Variants in JPH2 observed in about 807,000 individuals in gnomAD.
JPH2 encodes the protein junctophilin-2.
JPH2 carries 38 observed loss-of-function variants against 55.9 expected under a neutral mutation model. The ratio of observed to expected loss-of-function variants is 0.68; its 90% CI spans 0.52 to 0.89. JPH2 has a LOEUF of 0.89. JPH2 is among the 40% of genes least tolerant of loss of function. The pLI, the probability that JPH2 is intolerant of heterozygous loss-of-function variation, is 0.00. For missense variants in JPH2, 964 were observed against 1,037.6 expected (o/e 0.93, Z 0.97); for synonymous variants, 480 against 472.4 (o/e 1.02, Z -0.21).
chr20:44,179,907 G>A (rs1297357104), intron 1 of JPH2, among the ~76,000 whole-genome samples: 1 of 152,198 alleles, frequency 6.6e-6, no homozygotes, highest in African/African-American at 2.4e-5. Flanking sequence ...TCTCCATGAG[G>A]TTGTTGTGTG....
At chr20:44,156,072 G>C (rs1246733996) in intron 2 of JPH2, among the ~76,000 whole-genome samples, 1 of 149,040 alleles carries the variant, frequency 6.7e-6, no homozygotes, top group East Asian at 2.0e-4. Flanking sequence ...CACAAAAAAA[G>C]CAAAGAATCA....
At chr20:44,157,595 C>T (rs536021895) in intron 2 of JPH2, among the ~76,000 whole-genome samples, 4 of 152,302 alleles carry the variant, frequency 2.6e-5, no homozygotes, top group South Asian at 4.1e-4. Flanking sequence ...CCTGCACTGT[C>T]GTTCCTAACC....
chr20:44,115,380 T>C (rs918714616), intron 4 of JPH2, among the ~76,000 whole-genome samples: 2 of 152,018 alleles, frequency 1.3e-5, no homozygotes, highest in Non-Finnish European at 2.9e-5. Flanking sequence ...CTCCAGCTGC[T>C]CAGGCTCCCA....
chr20:44,170,991 C>G (rs1359994895), intron 1 of JPH2, among the ~76,000 whole-genome samples: 12 of 152,178 alleles, frequency 7.9e-5, no homozygotes, highest in Non-Finnish European at 1.6e-4. Flanking sequence ...ACAGTAGTAT[C>G]CTCCCTGCCC....
intron 3 of JPH2, among the ~76,000 whole-genome samples, 198 bp downstream of exon 3, chr20:44,118,307 C>A (rs561722671): frequency 2.0e-5 from 3 of 152,330 alleles, no homozygotes; most frequent in Admixed American, 2.0e-4. Flanking sequence ...GCCCTCCCCT[C>A]GAGCTCAGCA....
At chr20:44,158,762 G>A (rs1005608597) in intron 2 of JPH2, among the ~76,000 whole-genome samples, 2 of 152,166 alleles carry the variant, frequency 1.3e-5, no homozygotes, top group African/African-American at 4.8e-5. Flanking sequence ...TGGCTGGCTG[G>A]GTAGCTGGAT....
intron 1 of JPH2, among the ~76,000 whole-genome samples, chr20:44,169,692 C>T (rs192307335): frequency 3.5e-4 from 54 of 152,252 alleles, no homozygotes; most frequent in East Asian, 2.7e-3. Context: ...CAGTGTGCCT[C>T]GGTGCTACGG....
Position 44,159,569 on chromosome 20 carries a change from C to G in JPH2, c.1169+49G>C. On this transcript the variant is annotated intron_variant, in intron 2 of 5. Transcript: ENST00000372980. The surrounding 1 kb of genome is among the most constrained non-coding windows in gnomAD (Gnocchi z 5.7). ...TCCTAGGTTGCCCTGCCCCAGGACC[C>G]CCTTCTCCGAGGGGAGGCGACCCCT... 6.4e-7 allele frequency: 1 copy of G among 1,555,024 alleles called. No homozygotes were observed.
chr20:44,181,672 C>A (rs1222817725), intron 1 of JPH2, among the ~76,000 whole-genome samples: 1 of 152,214 alleles, frequency 6.6e-6, no homozygotes, highest in African/African-American at 2.4e-5. Context: ...TTGGACCTCC[C>A]AGCTTTTGCA....
At chr20:44,118,453 G>C in intron 3 of JPH2, 52 bp downstream of exon 3, 5 of 1,398,924 alleles carry the variant, frequency 3.6e-6, no homozygotes, top group Non-Finnish European at 5.0e-6. Flanking sequence ...AAAGAAAAGC[G>C]CCCACCCTAG....
rs560899023 is a variant in JPH2 at position 44,109,255 on chromosome 20, G to A, written c.*4263C>T. On this transcript the variant is annotated 3_prime_UTR_variant, in exon 6 of 6. Coordinates refer to ENST00000372980, the MANE Select transcript of JPH2 (RefSeq NM_020433.5). ...TCAATTTTCCTCATCTGCAAAATGG[G>A]TGGACGAATACCTACACCATGGAGA... 6.6e-6 allele frequency among the ~76,000 whole-genome samples: 1 copy of A among 152,314 alleles called. No homozygotes were observed. Among genetic ancestry groups the A allele is most frequent in the East Asian group, 1.9e-4 (1 of 5,190 alleles).
At position 44,186,824 on chromosome 20, in the gene JPH2, C is replaced by T. The variant is rs1290868313; in HGVS notation, c.-119G>A. ...AGGCCCCCAGACTCACCACTGCACC[C>T]CAGGAGGGGGGAAGCAGGATGCCAG... On this transcript the variant is annotated 5_prime_UTR_variant, in exon 1 of 6. Transcript: ENST00000372980. The T allele has an allele frequency of 3.8e-5, 38 of 1,006,202 alleles. 1 individual carries two copies. The South Asian group carries it at 4.1e-4, about 11-fold the overall frequency. The allele number at this position is 1,006,202 out of a possible 1,614,324, so 62.3% of individuals were successfully genotyped here. A position where few individuals can be genotyped will look rare whatever the true frequency, so the allele number is the denominator to read the frequency against.
intron 1 of JPH2, among the ~76,000 whole-genome samples, chr20:44,185,812 C>T (rs1022538701): frequency 1.3e-5 from 2 of 150,010 alleles, no homozygotes; most frequent in Admixed American, 6.7e-5. Context: ...GATGGATGGG[C>T]AGGCAGGTGG....
intron 2 of JPH2, among the ~76,000 whole-genome samples, chr20:44,131,513 A>T (rs1182492304): frequency 6.6e-6 from 1 of 152,228 alleles, no homozygotes; most frequent in African/African-American, 2.4e-5. Context: ...GTGATGGGTA[A>T]CTAACACAAT....
At position 44,109,977 on chromosome 20, in the gene JPH2, T is replaced by G. The variant is rs1320091901; in HGVS notation, c.*3541A>C. Among the ~76,000 whole-genome samples, 1 of 152,172 alleles carries G rather than the reference T, an allele frequency of 6.6e-6. No homozygotes were observed. Among genetic ancestry groups the G allele is most frequent in the Non-Finnish European group, 1.5e-5 (1 of 68,022 alleles). On this transcript the variant is annotated 3_prime_UTR_variant, in exon 6 of 6. Transcript: ENST00000372980. ...AAGTTCATGCATGGTACAAACCACC[T>G]TAAATGCATTCCGGGCATGGCAGGA...
At chr20:44,150,083 A>G (rs2072521449) in intron 2 of JPH2, among the ~76,000 whole-genome samples, 1 of 152,096 alleles carries the variant, frequency 6.6e-6, no homozygotes, top group Non-Finnish European at 1.5e-5. Context: ...TTCATGCCAG[A>G]AAAATCTAAT....
chr20:44,133,335 A>G (rs1239012224), intron 2 of JPH2, among the ~76,000 whole-genome samples: 1 of 151,838 alleles, frequency 6.6e-6, no homozygotes, highest in East Asian at 2.0e-4. Context: ...TCCAAAATAA[A>G]TATTTTTAAA....
chr20:44,124,309 C>T (rs546938651), intron 2 of JPH2, among the ~76,000 whole-genome samples: 13 of 152,172 alleles, frequency 8.5e-5, no homozygotes, highest in Middle Eastern at 3.4e-3. Context: ...GGACCCTCAC[C>T]GGACTTGCCC....
At chr20:44,121,638 G>A (rs1203197688) in intron 2 of JPH2, among the ~76,000 whole-genome samples, 1 of 152,144 alleles carries the variant, frequency 6.6e-6, no homozygotes, top group Non-Finnish European at 1.5e-5. Context: ...CTACAGGGTA[G>A]ATGTTATTCC....
Sources: allele counts gnomAD v4.1 joint callset (sites outside exome capture counted in the v4.1 genomes callset), GRCh38; gene constraint gnomAD v4.1.1; non-coding constraint Gnocchi (gnomAD v3.1); transcripts MANE v1.5; gene names NCBI Gene and HGNC (gene_info 2026-07-23, HGNC 2026-07-21).